Variants in DPP6 observed in about 807,000 individuals in gnomAD.
DPP6 encodes dipeptidyl peptidase like 6.
A neutral mutation model predicts 122.6 loss-of-function variants in DPP6; 69 were observed. The ratio of observed to expected loss-of-function variants is 0.56; its 90% confidence interval spans 0.46 to 0.69. The LOEUF (loss-of-function observed/expected upper bound fraction) is 0.69. Ranked by LOEUF, DPP6 falls within the 30% of genes least tolerant of loss-of-function variation. The pLI is 0.00. For missense variants in DPP6, 928 were observed against 1,116.9 expected (o/e 0.83, Z 2.41); for synonymous variants, 418 against 433.1 (o/e 0.97, Z 0.43).
intron 1 of DPP6, among the ~76,000 whole-genome samples, chr7:154,304,106 G>A (rs968180266): frequency 1.3e-5 from 2 of 152,192 alleles, no homozygotes; most frequent in Non-Finnish European, 2.9e-5. Context: ...AGAGTTCCCC[G>A]TATATATAAA....
At chr7:154,165,991 C>T (rs1423053051) in intron 1 of DPP6, among the ~76,000 whole-genome samples, 1 of 152,290 alleles carries the variant, frequency 6.6e-6, no homozygotes, top group East Asian at 1.9e-4. Context: ...CCAACTAATA[C>T]CTCTCCTGCC....
chr7:153,845,495 G>T, the DPP6 span, among the ~76,000 whole-genome samples: 1 of 151,306 alleles, frequency 6.6e-6, no homozygotes, highest in Admixed American at 6.6e-5. Context: ...TTATATTTTA[G>T]ATATGCCTCT....
At chr7:154,132,058 C>T (rs1039049903) in intron 1 of DPP6, among the ~76,000 whole-genome samples, 6 of 152,082 alleles carry the variant, frequency 3.9e-5, no homozygotes, top group African/African-American at 1.4e-4. Context: ...TCACTTCCTC[C>T]TAAATTTAAC....
In DPP6 at chr7:154,748,076, C is replaced by G. The variant is rs116839963; in HGVS notation, c.883+20189C>G. 5.2e-3 allele frequency among the ~76,000 whole-genome samples: 790 copies of G among 152,280 alleles called. 11 individuals are homozygous for G. The highest frequency in any genetic ancestry group is 0.018 in the African/African-American group (734 of 41,546). On this transcript the variant is annotated intron_variant, in intron 8 of 25. Transcript: ENST00000377770. Reference sequence around the variant, plus strand: ...GGGTCTTACATGAAGAGGAGACACTCGGAACTCAACACCTGAACTCCTCCC... The same window carrying G: ...GGGTCTTACATGAAGAGGAGACACTGGGAACTCAACACCTGAACTCCTCCC...
intron 1 of DPP6, among the ~76,000 whole-genome samples, chr7:154,351,775 C>G (rs1308426039): frequency 6.6e-6 from 1 of 152,198 alleles, no homozygotes; most frequent in East Asian, 1.9e-4. Context: ...GGAGCCAAGA[C>G]AGGACTCCAG....
chr7:154,484,100 A>G (rs1214989567), intron 3 of DPP6, among the ~76,000 whole-genome samples: 1 of 152,154 alleles, frequency 6.6e-6, no homozygotes, highest in Non-Finnish European at 1.5e-5. Flanking sequence ...CTTTTAACTT[A>G]CTTTTAACAT....
chr7:154,674,385 C>G (rs1415772272), intron 7 of DPP6, among the ~76,000 whole-genome samples: 1 of 152,144 alleles, frequency 6.6e-6, no homozygotes, highest in Non-Finnish European at 1.5e-5. Flanking sequence ...CTTCCTTGTT[C>G]TTGGCACATG....
At chr7:154,220,595 T>C (rs1350379032) in intron 1 of DPP6, among the ~76,000 whole-genome samples, 1 of 152,108 alleles carries the variant, frequency 6.6e-6, no homozygotes, top group Non-Finnish European at 1.5e-5. Flanking sequence ...TAAAATAAAA[T>C]GCCACTGGGA....
At chr7:153,887,459 T>G in exon 1 of DPP6, 1 of 471,078 alleles carries the variant, frequency 2.1e-6, no homozygotes, top group Non-Finnish European at 3.8e-6. Flanking sequence ...TCTTTCTTTA[T>G]TGGTAGCGGC....
intron 1 of DPP6, among the ~76,000 whole-genome samples, chr7:154,078,351 TACAC>T (rs3052965): frequency 0.3 from 45,158 of 149,218 alleles, 7,174 homozygotes; most frequent in Non-Finnish European, 0.36. Context: ...AGTGCATATG[TACAC>T]ACACACACAC....
the DPP6 span, among the ~76,000 whole-genome samples, chr7:153,873,696 G>A: frequency 6.6e-5 from 10 of 152,306 alleles, no homozygotes; most frequent in Admixed American, 3.9e-4. Context: ...GTGATGGGGA[G>A]CTCTGCCTTC....
intron 1 of DPP6, among the ~76,000 whole-genome samples, chr7:154,114,752 C>T (rs953984266): frequency 1.4e-4 from 22 of 152,166 alleles, no homozygotes; most frequent in Admixed American, 3.9e-4. Flanking sequence ...TAGAGTTCCA[C>T]TTTTGGAAGT....
intron 1 of DPP6, among the ~76,000 whole-genome samples, chr7:154,103,421 A>C (rs925087949): frequency 1.3e-5 from 2 of 152,178 alleles, no homozygotes; most frequent in Non-Finnish European, 2.9e-5. Flanking sequence ...ATAAATGTCA[A>C]ATTATAAGTG....
At chr7:153,871,630 C>T in the DPP6 span, among the ~76,000 whole-genome samples, 2 of 152,214 alleles carry the variant, frequency 1.3e-5, no homozygotes, top group African/African-American at 2.4e-5. Context: ...CCTGCTTCGG[C>T]TTACGCACAG....
At chr7:154,883,431 CGCTCACATTCACACACAT>C (rs1805633538) in intron 21 of DPP6, 1 of 129,948 alleles carries the variant, frequency 7.7e-6, no homozygotes, top group Admixed American at 7.5e-5. Context: ...CTCACACACA[CGCTCACATTCACACACAT>C]GCTCACCCAT....
At chr7:154,461,325 C>T (rs985500119) in intron 2 of DPP6, among the ~76,000 whole-genome samples, 3 of 152,166 alleles carry the variant, frequency 2.0e-5, no homozygotes, top group African/African-American at 7.2e-5. Flanking sequence ...CTGCAACTAA[C>T]AAAGGAGTGC....
Position 154,308,102 on chromosome 7 carries a change from GTTAC to G in DPP6, c.244-138110_244-138107del, listed in dbSNP as rs536756175. Among the ~76,000 whole-genome samples the G allele has an allele frequency of 2.8e-4, 42 of 152,130 alleles. 1 individual carries two copies. In the South Asian group the frequency reaches 7.5e-3, roughly 27 times the overall value. Reference sequence around the variant, plus strand: ...TCTCCGACATCCTTCCAGCTGTTTGGTTACTGCAATAGACTACCCATTACTTCTT... The same window carrying G: ...TCTCCGACATCCTTCCAGCTGTTTGGTGCAATAGACTACCCATTACTTCTT... On this transcript the variant is annotated intron_variant, in intron 1 of 25. Transcript: ENST00000377770.
intron 13 of DPP6, among the ~76,000 whole-genome samples, chr7:154,803,273 C>G (rs750427795): frequency 2.6e-5 from 4 of 152,230 alleles, no homozygotes; most frequent in Non-Finnish European, 4.4e-5. Flanking sequence ...CCCTGTCTCT[C>G]TCTTCTGTTA....
chr7:154,349,959 A>G (rs1810711150), intron 1 of DPP6, among the ~76,000 whole-genome samples: 1 of 152,242 alleles, frequency 6.6e-6, no homozygotes, highest in Non-Finnish European at 1.5e-5. Flanking sequence ...GTTACATTCC[A>G]TAAATAAAAT....
Sources: gnomAD v4.1 joint callset for allele counts (sites outside exome capture counted in the v4.1 genomes callset) on GRCh38, gnomAD v4.1.1 for gene constraint, MANE v1.5 for transcripts, NCBI Gene and HGNC (gene_info 2026-07-23, HGNC 2026-07-21) for gene names.